Variants in PPP2R5C observed in about 807,000 individuals in gnomAD.
PPP2R5C encodes the protein protein phosphatase 2 regulatory subunit B'gamma.
Under a neutral mutation model 68.9 loss-of-function variants are expected in PPP2R5C, and 7 were observed. That is an observed-to-expected ratio of 0.10 (90% CI 0.06 to 0.19). PPP2R5C has a LOEUF of 0.19. PPP2R5C is among the 10% of genes least tolerant of loss of function. PPP2R5C has a pLI of 1.00. For missense variants in PPP2R5C, 348 were observed against 641.3 expected (o/e 0.54, Z 4.94); for synonymous variants, 210 against 222.2 (o/e 0.95, Z 0.49).
intron 3 of PPP2R5C, among the ~76,000 whole-genome samples, chr14:101,795,908 G>C (rs1025761962): frequency 7.9e-5 from 12 of 152,076 alleles, no homozygotes; most frequent in Admixed American, 7.9e-4. Flanking sequence ...CTGCAGCCTG[G>C]ACCTCCCAGG....
intron 2 of PPP2R5C, among the ~76,000 whole-genome samples, chr14:101,778,980 A>C (rs1002642349): frequency 6.6e-6 from 1 of 152,184 alleles, no homozygotes; most frequent in Non-Finnish European, 1.5e-5. Flanking sequence ...GAATCATTTG[A>C]GCCCAGCAGG....
upstream of PPP2R5C, among the ~76,000 whole-genome samples, chr14:101,761,189 C>T (rs1314405216): frequency 6.6e-6 from 1 of 152,188 alleles, no homozygotes; most frequent in East Asian, 1.9e-4. Flanking sequence ...GTGCCAGGCA[C>T]TCTTGACTGC....
At chr14:101,784,060 T>A (rs1595155650) in intron 2 of PPP2R5C, among the ~76,000 whole-genome samples, 1 of 152,252 alleles carries the variant, frequency 6.6e-6, no homozygotes, top group African/African-American at 2.4e-5. Flanking sequence ...AAGTACCTTT[T>A]GAGGAAAAAG....
At chr14:101,783,514 G>A (rs1039575813) in intron 2 of PPP2R5C, among the ~76,000 whole-genome samples, 2 of 151,728 alleles carry the variant, frequency 1.3e-5, no homozygotes, top group Admixed American at 1.3e-4. Flanking sequence ...CCTCTCTCTG[G>A]TCTTGGCCCT....
intron 13 of PPP2R5C, among the ~76,000 whole-genome samples, chr14:101,924,933 C>T (rs2047216473): frequency 1.3e-5 from 2 of 152,184 alleles, no homozygotes; most frequent in Admixed American, 1.3e-4. Flanking sequence ...ACACACAGGT[C>T]CTCAAACGAG....
At chr14:101,859,128 G>A (rs2042609269) in intron 2 of PPP2R5C, among the ~76,000 whole-genome samples, 2 of 152,218 alleles carry the variant, frequency 1.3e-5, no homozygotes, top group Admixed American at 6.5e-5. Context: ...TCATGGGCCA[G>A]GCACGTTTTG....
intron 5 of PPP2R5C, among the ~76,000 whole-genome samples, chr14:101,886,142 G>A (rs1009677997): frequency 2.6e-5 from 4 of 152,138 alleles, no homozygotes; most frequent in African/African-American, 7.2e-5. Flanking sequence ...TTAGCCGGGC[G>A]TGGTGGCGGG....
intron 2 of PPP2R5C, among the ~76,000 whole-genome samples, chr14:101,868,477 A>G (rs2043211722): frequency 6.6e-6 from 1 of 152,166 alleles, no homozygotes; most frequent in Non-Finnish European, 1.5e-5. Flanking sequence ...ATTCATGTTT[A>G]TTGTATTTTC....
intron 1 of PPP2R5C, among the ~76,000 whole-genome samples, chr14:101,834,430 A>G (rs1309738003): frequency 6.6e-6 from 1 of 152,254 alleles, no homozygotes; most frequent in Non-Finnish European, 1.5e-5. Context: ...GTGGCGTCTC[A>G]GTACGGCTGC....
At chr14:101,883,008 G>A in intron 3 of PPP2R5C, 1 of 417,514 alleles carries the variant, frequency 2.4e-6, no homozygotes, top group Non-Finnish European at 4.3e-6. Context: ...TATAACTGAT[G>A]ACATCAGCCA....
chr14:101,830,718 A>C (rs1044527115), intron 1 of PPP2R5C, among the ~76,000 whole-genome samples: 1 of 152,214 alleles, frequency 6.6e-6, no homozygotes, highest in African/African-American at 2.4e-5. Context: ...AGTTGGGTCA[A>C]ATATAAGATA....
At chr14:101,926,384 A>T (rs1467605726) in exon 14 of PPP2R5C, 1 of 152,686 alleles carries the variant, frequency 6.5e-6, no homozygotes, top group African/African-American at 2.4e-5. Flanking sequence ...AACACCTTGT[A>T]AGGAAAATAC....
intron 3 of PPP2R5C, among the ~76,000 whole-genome samples, chr14:101,792,373 C>T (rs1283085565): frequency 1.3e-5 from 2 of 152,220 alleles, no homozygotes; most frequent in Admixed American, 1.3e-4. Context: ...TCCCTGTCAA[C>T]CATGTGCTAA....
chr14:101,819,149 A>G, intron 1 of PPP2R5C: 1 of 1,426,324 alleles, frequency 7.0e-7, no homozygotes. Context: ...TACATGTATA[A>G]TTAGGAATGG....
chr14:101,802,973 AAGG>A, intron 3 of PPP2R5C, among the ~76,000 whole-genome samples: 1 of 151,114 alleles, frequency 6.6e-6, no homozygotes, highest in Admixed American at 6.6e-5. Context: ...AAAAAAAAAA[AAGG>A]AGCAAAGGCA....
chr14:101,924,552 C>T (rs2047194966), intron 13 of PPP2R5C, among the ~76,000 whole-genome samples: 1 of 151,218 alleles, frequency 6.6e-6, no homozygotes, highest in African/African-American at 2.4e-5. Context: ...AAGCGATTCT[C>T]CTGCCCCAGC....
intron 2 of PPP2R5C, among the ~76,000 whole-genome samples, chr14:101,763,528 A>AC (rs1171810520): frequency 6.6e-6 from 1 of 151,836 alleles, no homozygotes; most frequent in Non-Finnish European, 1.5e-5. Context: ...GATTACAGGC[A>AC]CCCGCTACCA....
Position 101,783,336 on chromosome 14 carries a change from C to T in PPP2R5C, c.94-2682C>T, listed in dbSNP as rs533750400. Among the ~76,000 whole-genome samples the T allele has an allele frequency of 6.2e-5, 9 of 146,160 alleles. No individual in the cohort carries two copies. The South Asian group carries it at 1.6e-3, about 26-fold the overall frequency. ...GCAGCTCCTTCCTCAGGGAGATCAC[C>T]TCACCTTCCCAGGGACAGACAATGT... On this transcript the variant is annotated intron_variant, in intron 2 of 14. Coordinates refer to the PPP2R5C transcript ENST00000328724.
At chr14:101,905,862 T>C (rs570028030) in intron 9 of PPP2R5C, among the ~76,000 whole-genome samples, 3 of 152,170 alleles carry the variant, frequency 2.0e-5, no homozygotes, top group East Asian at 1.9e-4. Context: ...CTCCTCCCCA[T>C]TGAAGCCACC....
Sources: gnomAD v4.1 joint callset for allele counts (sites outside exome capture counted in the v4.1 genomes callset) on GRCh38, gnomAD v4.1.1 for gene constraint, MANE v1.5 for transcripts, NCBI Gene and HGNC (gene_info 2026-07-23, HGNC 2026-07-21) for gene names.